The following PEAK1 variants were observed in gnomAD, a reference collection of about 807,000 sequenced individuals.
PEAK1 encodes the protein pseudopodium enriched atypical kinase 1.
A neutral mutation model predicts 124.7 loss-of-function variants in PEAK1; 54 were observed. That is an observed-to-expected ratio of 0.43 (90% CI 0.35 to 0.54). The LOEUF is 0.54. Among genes scored for constraint, PEAK1 ranks in the 20% least tolerant of loss-of-function variants. The pLI is 0.01. For synonymous variants in PEAK1, 719 were observed against 760.0 expected (o/e 0.95, Z 0.89); for missense variants, 2,046 against 2,134.5 (o/e 0.96, Z 0.82).
intron 2 of PEAK1, chr15:77,335,112 T>C: frequency 4.1e-6 from 4 of 985,486 alleles, no homozygotes; most frequent in Non-Finnish European, 4.8e-6. Flanking sequence ...TGTTCACAAA[T>C]GCTTCTGGTC....
At chr15:77,304,615 T>C (rs1021630621) in intron 2 of PEAK1, among the ~76,000 whole-genome samples, 3 of 151,320 alleles carry the variant, frequency 2.0e-5, no homozygotes, top group African/African-American at 7.3e-5. Context: ...GTCCGGCCAA[T>C]TTTTTTGTAT....
intron 1 of PEAK1, chr15:77,401,916 G>C: frequency 1.0e-6 from 1 of 985,192 alleles, no homozygotes; most frequent in Non-Finnish European, 1.2e-6. Context: ...AAGAAAAGGA[G>C]GGCCAGGCGC....
intron 1 of PEAK1, chr15:77,401,924 C>A (rs192615143): frequency 6.1e-6 from 6 of 984,758 alleles, no homozygotes; most frequent in Non-Finnish European, 3.6e-6. Context: ...GAGGGCCAGG[C>A]GCAGTGGCTC....
chr15:77,355,558 GTTCAAA>G (rs1416716117), intron 2 of PEAK1, among the ~76,000 whole-genome samples: 1 of 152,142 alleles, frequency 6.6e-6, no homozygotes, highest in Admixed American at 6.5e-5. Context: ...TTCAGTTCAA[GTTCAAA>G]TTCAGAGAAG....
chr15:77,400,503 T>C (rs755831632), intron 1 of PEAK1, among the ~76,000 whole-genome samples: 4 of 152,044 alleles, frequency 2.6e-5, no homozygotes, highest in African/African-American at 9.7e-5. Context: ...TCTTGACATA[T>C]GCAACAACAT....
At chr15:77,252,634 T>C (rs2152926624) in intron 5 of PEAK1, 108 bp from the exon 6 acceptor site, 3 of 620,608 alleles carry the variant, frequency 4.8e-6, no homozygotes, top group South Asian at 7.1e-5. Flanking sequence ...ACAGTTATAA[T>C]TCATCTAATT....
intron 8 of PEAK1, among the ~76,000 whole-genome samples, chr15:77,152,831 G>A (rs1212964912): frequency 6.6e-6 from 1 of 152,134 alleles, no homozygotes; most frequent in Non-Finnish European, 1.5e-5. Flanking sequence ...GCATCCCAGG[G>A]ATGAAGCCCA....
chr15:77,261,949 A>C (rs2061463371), intron 5 of PEAK1, among the ~76,000 whole-genome samples: 2 of 152,126 alleles, frequency 1.3e-5, no homozygotes, highest in South Asian at 4.1e-4. Context: ...AGTGGGGGCC[A>C]ATATTCAACA....
chr15:77,378,188 T>TTTTATATATATATA (rs1555497620), intron 1 of PEAK1, among the ~76,000 whole-genome samples: 3 of 129,696 alleles, frequency 2.3e-5, no homozygotes, highest in South Asian at 2.4e-4. Context: ...TATAACAATA[T>TTTTATATATATATA]TATATATATA....
chr15:77,312,278 C>G (rs984227065), intron 2 of PEAK1, among the ~76,000 whole-genome samples: 6 of 152,174 alleles, frequency 3.9e-5, no homozygotes, highest in African/African-American at 1.4e-4. Context: ...ACACATATTA[C>G]TATATTCCAT....
At chr15:77,178,564 A>C in intron 7 of PEAK1, 1 of 534,918 alleles carries the variant, frequency 1.9e-6, no homozygotes, top group Non-Finnish European at 3.2e-6. Context: ...ACCAGAATGC[A>C]GTAGGCTACT....
At chr15:77,275,309 A>C (rs575311908) in intron 5 of PEAK1, among the ~76,000 whole-genome samples, 1 of 152,318 alleles carries the variant, frequency 6.6e-6, no homozygotes, top group East Asian at 1.9e-4. Flanking sequence ...CCCAAAACCT[A>C]TTGAAATAAG....
At chr15:77,414,420 C>G (rs926570122) in intron 1 of PEAK1, among the ~76,000 whole-genome samples, 1 of 149,914 alleles carries the variant, frequency 6.7e-6, no homozygotes, top group African/African-American at 2.5e-5. Context: ...CGGGGTTTCA[C>G]CATTTTGCCC....
chr15:77,202,993 T>C (rs939229787), intron 6 of PEAK1, among the ~76,000 whole-genome samples: 1 of 145,560 alleles, frequency 6.9e-6, no homozygotes, highest in Non-Finnish European at 1.5e-5. Flanking sequence ...GCTATGATCA[T>C]ACCATTGCAC....
chr15:77,128,289 G>A (rs1055545905), intron 9 of PEAK1, among the ~76,000 whole-genome samples: 4 of 152,144 alleles, frequency 2.6e-5, no homozygotes, highest in African/African-American at 9.7e-5. Context: ...GAAGGCTACT[G>A]AACTTGGATT....
At chr15:77,244,987 C>T (rs2060516289) in intron 6 of PEAK1, among the ~76,000 whole-genome samples, 1 of 152,188 alleles carries the variant, frequency 6.6e-6, no homozygotes, top group South Asian at 2.1e-4. Flanking sequence ...ACATTTTCTA[C>T]AATACATAAT....
Position 77,383,078 on chromosome 15 carries a change from A to G in PEAK1, c.-665-17853T>C, listed in dbSNP as rs985477920. On this transcript the variant is annotated intron_variant, in intron 1 of 9. Coordinates refer to ENST00000682557, the MANE Select transcript of PEAK1 (RefSeq NM_001385026.1). ...TGCTCTATTGCCCAGGCTGGAGCGTAAGTGGTATGAGCTCAACTCACTGCA... is the reference window on the plus strand; with the variant it reads ...TGCTCTATTGCCCAGGCTGGAGCGTGAGTGGTATGAGCTCAACTCACTGCA... Among the ~76,000 whole-genome samples, 4 of 141,142 alleles carry G rather than the reference A, an allele frequency of 2.8e-5. No individual in the cohort carries two copies. In the East Asian group the frequency reaches 8.3e-4, roughly 29 times the overall value. 92.6% of individuals were successfully genotyped at this position (141,142 alleles called of 152,430 possible).
intron 7 of PEAK1, among the ~76,000 whole-genome samples, chr15:77,159,185 AAACT>A (rs1324778172): frequency 6.6e-6 from 1 of 152,206 alleles, no homozygotes; most frequent in African/African-American, 2.4e-5. Context: ...AGTTGAGATT[AAACT>A]AACTGCATAA....
At chr15:77,405,198 G>T (rs1012029245) in intron 1 of PEAK1, among the ~76,000 whole-genome samples, 2 of 151,976 alleles carry the variant, frequency 1.3e-5, no homozygotes, top group African/African-American at 4.8e-5. Context: ...TAGGGATGGG[G>T]TTTCATCATG....
Sources: gnomAD v4.1 joint callset for allele counts (sites outside exome capture counted in the v4.1 genomes callset) on GRCh38, gnomAD v4.1.1 for gene constraint, MANE v1.5 for transcripts, NCBI Gene and HGNC (gene_info 2026-07-23, HGNC 2026-07-21) for gene names.